Variants in NXNL2 observed in about 807,000 individuals in gnomAD.
NXNL2 encodes nucleoredoxin like 2, also known as nucleoredoxin-like protein 2.
In NXNL2, 7 loss-of-function variants were observed where a neutral mutation model predicts 11.1. The observed-to-expected ratio is 0.63, with a 90% CI of 0.36 to 1.18. NXNL2 has a LOEUF of 1.18. Ranked by LOEUF, NXNL2 falls within the 50% of genes most tolerant of loss-of-function variation. NXNL2 has a pLI of 0.02. For synonymous variants in NXNL2, 109 were observed against 101.8 expected, an observed-to-expected ratio of 1.07 and a Z score of -0.42; for missense variants, 233 against 217.7, an observed-to-expected ratio of 1.07 and a Z score of -0.44.
chr9:88,579,528 C>T (rs908874247), downstream of NXNL2, among the ~76,000 whole-genome samples: 2 of 152,164 alleles, frequency 1.3e-5, no homozygotes, highest in African/African-American at 4.8e-5. Context: ...GTGACAGCCT[C>T]CTGATGCTTA....
chr9:88,581,836 G>A (rs1402154926), intron 1 of NXNL2, among the ~76,000 whole-genome samples: 1 of 152,220 alleles, frequency 6.6e-6, no homozygotes, highest in Non-Finnish European at 1.5e-5. Flanking sequence ...GGACTTTGCT[G>A]CACATAAGTA....
At chr9:88,552,346 C>T (rs542159178) in intron 1 of NXNL2, among the ~76,000 whole-genome samples, 136 of 151,434 alleles carry the variant, frequency 9.0e-4, no homozygotes, top group African/African-American at 3.2e-3. Flanking sequence ...TGCCTATTTG[C>T]CTGATTGTTG....
downstream of NXNL2, among the ~76,000 whole-genome samples, chr9:88,546,013 C>T (rs1020428667): frequency 8.5e-5 from 13 of 152,088 alleles, no homozygotes; most frequent in Non-Finnish European, 1.3e-4. Context: ...GTGATCCACC[C>T]GCCTCGGCCT....
chr9:88,546,824 C>T (rs774698160), downstream of NXNL2, among the ~76,000 whole-genome samples: 26 of 152,246 alleles, frequency 1.7e-4, no homozygotes, highest in Admixed American at 3.9e-4. Context: ...TCTACAAGTG[C>T]CTTGTGCCCC....
At chr9:88,580,702 T>C (rs1222028508), downstream of NXNL2, among the ~76,000 whole-genome samples, 3 of 152,210 alleles carry the variant, frequency 2.0e-5, no homozygotes, top group East Asian at 1.9e-4. Flanking sequence ...GGACTTAGCA[T>C]TGATGCAGTA....
intron 1 of NXNL2, among the ~76,000 whole-genome samples, chr9:88,564,899 A>C (rs778256755): frequency 7.9e-5 from 12 of 152,284 alleles, no homozygotes; most frequent in Middle Eastern, 3.4e-3. Context: ...CTCTCTTAAC[A>C]GATTTCTAGT....
downstream of NXNL2, among the ~76,000 whole-genome samples, chr9:88,578,934 G>A (rs1179412070): frequency 6.6e-6 from 1 of 152,192 alleles, no homozygotes; most frequent in Non-Finnish European, 1.5e-5. Flanking sequence ...GGCGCTGGTG[G>A]GCGGCCTACA....
At chr9:88,540,678 T>C (rs1829735804) in intron 1 of NXNL2, among the ~76,000 whole-genome samples, 1 of 152,184 alleles carries the variant, frequency 6.6e-6, no homozygotes, top group South Asian at 2.1e-4. Flanking sequence ...TTTCCCACTT[T>C]TCCTTTCCCT....
chr9:88,581,656 A>G (rs559200560), intron 1 of NXNL2, among the ~76,000 whole-genome samples: 315 of 152,226 alleles, frequency 2.1e-3, no homozygotes, highest in Non-Finnish European at 3.3e-3. Flanking sequence ...GGGTTTCTCC[A>G]TGTTCGTCAG....
intron 1 of NXNL2, among the ~76,000 whole-genome samples, chr9:88,557,080 CAAAAAAAAAAA>C (rs150400954): frequency 1.1e-4 from 6 of 55,630 alleles, no homozygotes; most frequent in African/African-American, 9.5e-5. Context: ...GACTCCATCT[CAAAAAAAAAAA>C]AAAAAAAAAA....
At chr9:88,545,828 G>A (rs978456071), downstream of NXNL2, among the ~76,000 whole-genome samples, 6 of 151,832 alleles carry the variant, frequency 4.0e-5, no homozygotes, top group East Asian at 3.9e-4. Flanking sequence ...GTGCAATGGC[G>A]CGGTCTCAGC....
At chr9:88,558,657 C>T (rs933115499) in intron 1 of NXNL2, among the ~76,000 whole-genome samples, 2 of 151,914 alleles carry the variant, frequency 1.3e-5, no homozygotes, top group Non-Finnish European at 2.9e-5. Context: ...GGGATATGAC[C>T]CTACATATCC....
intron 1 of NXNL2, among the ~76,000 whole-genome samples, chr9:88,540,934 GATTTTTTTT>G (rs1010830284): frequency 2.8e-5 from 3 of 105,438 alleles, no homozygotes; most frequent in South Asian, 3.0e-4. Context: ...AATCTCAGTA[GATTTTTTTT>G]TTTTTTTTTT....
chr9:88,544,006 C>T (rs980763629), intron 1 of NXNL2, among the ~76,000 whole-genome samples: 10 of 152,154 alleles, frequency 6.6e-5, no homozygotes, highest in Non-Finnish European at 1.3e-4. Context: ...CCCATCTCTA[C>T]TAAAAATACA....
chr9:88,550,843 T>C (rs142244021), intron 1 of NXNL2, among the ~76,000 whole-genome samples: 9 of 152,318 alleles, frequency 5.9e-5, no homozygotes, highest in African/African-American at 1.9e-4. Flanking sequence ...TCAAGAATAT[T>C]GTTAAGGTGT....
intron 1 of NXNL2, among the ~76,000 whole-genome samples, chr9:88,567,973 C>G (rs1830202216): frequency 6.6e-6 from 1 of 152,174 alleles, no homozygotes; most frequent in African/African-American, 2.4e-5. Context: ...TTAAATTTTG[C>G]AACCTAGGTA....
intron 1 of NXNL2, among the ~76,000 whole-genome samples, chr9:88,560,547 C>G (rs1351111247): frequency 6.6e-6 from 1 of 151,996 alleles, no homozygotes; most frequent in Non-Finnish European, 1.5e-5. Flanking sequence ...GGAAACTGCA[C>G]TACCTGCGAC....
chr9:88,564,289 CT>C (rs1303095956), intron 1 of NXNL2, among the ~76,000 whole-genome samples: 87 of 100,250 alleles, frequency 8.7e-4, no homozygotes, highest in African/African-American at 4.1e-3. Context: ...TATCTATTAT[CT>C]ATCTATCTAT....
intron 1 of NXNL2, among the ~76,000 whole-genome samples, chr9:88,564,281 TCTATTATCTATCTATCTATC>T (rs1399349838): frequency 1.6e-5 from 2 of 126,660 alleles, no homozygotes; most frequent in African/African-American, 3.1e-5. Flanking sequence ...TATCTATCTA[TCTATTATCTATCTATCTATC>T]TATCTATCTA....
Sources: gnomAD v4.1 joint callset for allele counts (sites outside exome capture counted in the v4.1 genomes callset) on GRCh38, gnomAD v4.1.1 for gene constraint, MANE v1.5 for transcripts, NCBI Gene and HGNC (gene_info 2026-07-23, HGNC 2026-07-21) for gene names.